The following STXBP5L variants were observed in gnomAD, a reference collection of about 807,000 sequenced individuals.
STXBP5L encodes syntaxin binding protein 5L.
Under a neutral mutation model 144.5 loss-of-function variants are expected in STXBP5L, and 65 were observed. The ratio of observed to expected loss-of-function variants is 0.45; its 90% CI spans 0.37 to 0.55. STXBP5L has a LOEUF of 0.55. STXBP5L is among the 20% of genes least tolerant of loss of function. The probability of loss-of-function intolerance (pLI) is 0.00; values close to 1 mark genes in which losing one functional copy is unlikely to be tolerated. For missense variants in STXBP5L, 1,298 were observed against 1,405.5 expected, an observed-to-expected ratio of 0.92 and a Z score of 1.22; for synonymous variants, 505 against 469.6, an observed-to-expected ratio of 1.08 and a Z score of -0.97.
chr3:121,203,146 T>G (rs1037500660), intron 9 of STXBP5L, among the ~76,000 whole-genome samples: 2 of 152,074 alleles, frequency 1.3e-5, no homozygotes, highest in Non-Finnish European at 2.9e-5. Context: ...AAAATTGCTC[T>G]ATTAAATGAA....
At chr3:121,361,909 G>C (rs1483000375) in intron 20 of STXBP5L, among the ~76,000 whole-genome samples, 1 of 152,094 alleles carries the variant, frequency 6.6e-6, no homozygotes, top group African/African-American at 2.4e-5. Context: ...AGTCTTCATG[G>C]TTGGGTCTTA....
intron 3 of STXBP5L, among the ~76,000 whole-genome samples, chr3:120,965,257 T>C (rs1264049893): frequency 1.3e-5 from 2 of 152,350 alleles, no homozygotes; most frequent in Middle Eastern, 3.4e-3. Context: ...TGTCTTTTAA[T>C]TGGGGCATTT....
intron 5 of STXBP5L, among the ~76,000 whole-genome samples, chr3:121,090,274 G>A (rs145597073): frequency 2.0e-5 from 3 of 152,048 alleles, no homozygotes; most frequent in African/African-American, 4.8e-5. Context: ...TGAAGTTCAG[G>A]TGCTCCATTT....
chr3:120,918,599 G>T (rs1248627922), intron 2 of STXBP5L, among the ~76,000 whole-genome samples: 1 of 152,110 alleles, frequency 6.6e-6, no homozygotes, highest in East Asian at 1.9e-4. Flanking sequence ...TCCTCACCCT[G>T]TGCTTACACT....
At chr3:121,132,527 A>G (rs918723736) in intron 7 of STXBP5L, among the ~76,000 whole-genome samples, 42 of 152,176 alleles carry the variant, frequency 2.8e-4, no homozygotes. Flanking sequence ...TTGGTGGGGT[A>G]CTTCTCTATG....
intron 6 of STXBP5L, among the ~76,000 whole-genome samples, chr3:121,117,221 A>G (rs919196525): frequency 1.6e-5 from 2 of 128,454 alleles, no homozygotes; most frequent in Admixed American, 7.7e-5. Flanking sequence ...TTTATTTTTC[A>G]TAATATACAC....
intron 2 of STXBP5L, among the ~76,000 whole-genome samples, chr3:120,940,518 A>T (rs1710512784): frequency 6.6e-6 from 1 of 151,978 alleles, no homozygotes; most frequent in Admixed American, 6.6e-5. Context: ...AAAGTGTATG[A>T]TAAATTGAAG....
At chr3:121,149,657 C>T (rs1414963603) in intron 7 of STXBP5L, among the ~76,000 whole-genome samples, 1 of 151,592 alleles carries the variant, frequency 6.6e-6, no homozygotes, top group Non-Finnish European at 1.5e-5. Context: ...AGAATTAATA[C>T]CCTATTAGAA....
chr3:121,293,758 G>A (rs1227000271), intron 19 of STXBP5L, among the ~76,000 whole-genome samples: 2 of 152,244 alleles, frequency 1.3e-5, no homozygotes, highest in Admixed American at 6.5e-5. Flanking sequence ...CTACTTGGGA[G>A]ACTGAGGCGG....
At chr3:120,940,597 G>A (rs998136090) in intron 2 of STXBP5L, among the ~76,000 whole-genome samples, 3 of 150,702 alleles carry the variant, frequency 2.0e-5, no homozygotes, top group Non-Finnish European at 4.4e-5. Context: ...AAGCCAGATG[G>A]TAAAATCACG....
rs531170431 is a variant in STXBP5L, at chr3:121,032,452, G to T, written c.288-9248G>T. 3.9e-5 allele frequency among the ~76,000 whole-genome samples: 6 copies of T among 152,192 alleles called. No homozygotes were observed. In the South Asian group the frequency reaches 1.2e-3, roughly 32 times the overall value. ...TAGCCACTAGGTAATAAATTCATGT[G>T]TTTTTCATAAAAACCCTAGAAGAAA... On this transcript the variant is annotated intron_variant, in intron 3 of 26. Coordinates refer to ENST00000471454, the MANE Select transcript of STXBP5L (RefSeq NM_001308330.2).
chr3:121,082,892 C>T (rs753858997), intron 5 of STXBP5L, among the ~76,000 whole-genome samples: 20 of 152,158 alleles, frequency 1.3e-4, no homozygotes, highest in Non-Finnish European at 2.8e-4. Context: ...ATTTAGTAAT[C>T]TTTTGTTAAG....
chr3:121,055,988 T>C (rs927892460), intron 5 of STXBP5L, among the ~76,000 whole-genome samples: 3 of 151,950 alleles, frequency 2.0e-5, no homozygotes, highest in African/African-American at 7.2e-5. Flanking sequence ...CCACTGTGCT[T>C]GGCCTGGGGT....
At chr3:121,094,082 TTGAG>T (rs1219572926) in intron 5 of STXBP5L, among the ~76,000 whole-genome samples, 5 of 152,134 alleles carry the variant, frequency 3.3e-5, no homozygotes, top group Non-Finnish European at 7.4e-5. Context: ...TTGAGCGGTT[TTGAG>T]TGAGTGTCTT....
intron 3 of STXBP5L, among the ~76,000 whole-genome samples, chr3:121,025,089 A>G (rs532010747): frequency 6.6e-6 from 1 of 152,244 alleles, no homozygotes; most frequent in African/African-American, 2.4e-5. Context: ...TGAAAAAGTA[A>G]TTTATGACTC....
intron 9 of STXBP5L, 53 bp downstream of exon 9, chr3:121,157,680 T>G (rs2046169364): frequency 6.4e-7 from 1 of 1,564,266 alleles, no homozygotes; most frequent in East Asian, 2.4e-5. Context: ...GTGCCTTGAC[T>G]TGAAGTAAGA....
At chr3:121,009,725 A>G (rs565216021) in intron 3 of STXBP5L, among the ~76,000 whole-genome samples, 1 of 151,920 alleles carries the variant, frequency 6.6e-6, no homozygotes, top group African/African-American at 2.4e-5. Context: ...CTAATTCTGA[A>G]TGTACCACTT....
At chr3:121,239,155 C>T (rs1473070351) in intron 13 of STXBP5L, 37 bp downstream of exon 13, 5 of 1,222,170 alleles carry the variant, frequency 4.1e-6, no homozygotes, top group African/African-American at 1.6e-5. Context: ...TTTTTGTATT[C>T]ATATCACATG....
At chr3:121,313,292 T>G (rs1255772962) in intron 19 of STXBP5L, among the ~76,000 whole-genome samples, 3 of 86,436 alleles carry the variant, frequency 3.5e-5, no homozygotes, top group African/African-American at 1.3e-4. Flanking sequence ...TAGGGGCGGC[T>G]GGGCAGAGGC....
Sources: gnomAD v4.1 joint callset for allele counts (sites outside exome capture counted in the v4.1 genomes callset) on GRCh38, gnomAD v4.1.1 for gene constraint, MANE v1.5 for transcripts, NCBI Gene and HGNC (gene_info 2026-07-23, HGNC 2026-07-21) for gene names.